AKR1C2: variants seen among roughly 807,000 people sequenced by gnomAD.
AKR1C2 encodes the protein 3-alpha-HSD3.
A neutral mutation model predicts 39.8 loss-of-function variants in AKR1C2; 27 were observed. The ratio of observed to expected loss-of-function variants is 0.68; its 90% CI spans 0.50 to 0.93. The LOEUF is 0.93. AKR1C2 is among the 40% of genes least tolerant of loss of function. The pLI, the probability that AKR1C2 is intolerant of heterozygous loss-of-function variation, is 0.00. For missense variants in AKR1C2, 263 were observed against 365.1 expected, an observed-to-expected ratio of 0.72 and a Z score of 2.28; for synonymous variants, 114 against 137.9, an observed-to-expected ratio of 0.83 and a Z score of 1.22.
chr10:4,999,819 C>T (rs1158008906), intron 3 of AKR1C2: 5 of 648,892 alleles, frequency 7.7e-6, no homozygotes, highest in East Asian at 1.4e-4. Context: ...ATGCCACCAA[C>T]GAAAAAGGTT....
At chr10:5,003,919 C>G (rs1180987384), upstream of AKR1C2, 300 of 1,192,646 alleles carry the variant, frequency 2.5e-4, 1 homozygote, top group Middle Eastern at 3.9e-4. Flanking sequence ...CCTGAGCACA[C>G]TGTCTGCTGG....
chr10:5,002,039 T>A (rs1259275448), intron 1 of AKR1C2, among the ~76,000 whole-genome samples: 8 of 152,142 alleles, frequency 5.3e-5, no homozygotes, highest in African/African-American at 1.9e-4. Context: ...AATAGCCACA[T>A]GGAAGGAATT....
upstream of AKR1C2, chr10:5,007,398 G>C (rs1837427391): frequency 6.6e-6 from 1 of 151,528 alleles, no homozygotes; most frequent in Non-Finnish European, 1.5e-5. Flanking sequence ...ATGTGAAGCA[G>C]AAACGTACCT....
At chr10:5,000,205 A>G (rs1454819195) in intron 3 of AKR1C2, 17 of 1,426,648 alleles carry the variant, frequency 1.2e-5, no homozygotes, top group Non-Finnish European at 1.6e-5. Flanking sequence ...TCTGGACACC[A>G]CAGCTTCATG....
chr10:4,989,900 C>G lies in AKR1C2; in HGVS notation c.*96G>C, dbSNP rs557543056. ...AGTCGCCAAGCAGGAGAGATTTAAC[C>G]AGAGGCGATGTGTCCAGTCACCAGC... is the stretch of plus-strand genomic sequence containing the variant. On this transcript the variant is annotated 3_prime_UTR_variant, in exon 9 of 9. Transcript: ENST00000380753. 6.9e-7 allele frequency: 1 copy of G among 1,459,206 alleles called. No homozygotes were observed. Among genetic ancestry groups the G allele is most frequent in the East Asian group, 2.4e-5 (1 of 42,450 alleles). 90.4% of individuals were successfully genotyped at this position (1,459,206 alleles called of 1,614,324 possible).
At position 5,001,547 on chromosome 10, in the gene AKR1C2, A is replaced by T. The variant is rs782398907; in HGVS notation, c.219T>A (p.Ser73Arg). The T allele has an allele frequency of 6.2e-7, 1 of 1,613,862 alleles. No homozygotes were observed. The highest frequency in any genetic ancestry group is 1.3e-5 in the African/African-American group (1 of 74,910). ...LAIRSKIADG[S>R]VKREDIFYTS... is the part of the protein sequence containing the mutation. The stretch of plus-strand genomic sequence containing the variant: ...TGTAGAATATGTCTTCTCTCTTCAC[A>T]CTGCCATCTGCAATCTTGCTTCGGA... Residue 73 changes from serine (S) to arginine (R), a missense_variant, in exon 2 of 9, where the codon AGT becomes AGA. Coordinates refer to ENST00000380753, the MANE Select transcript of AKR1C2 (RefSeq NM_001393392.1).
At position 4,997,071 on chromosome 10, in the gene AKR1C2, T is replaced by G. The variant is rs1213826577; in HGVS notation, c.571-1206A>C. ...TAAAAACAACAGATCTGACCACTGTTAGCTTAACCAAGTTTTTAAAACTAC... is the reference window on the plus strand; with the variant it reads ...TAAAAACAACAGATCTGACCACTGTGAGCTTAACCAAGTTTTTAAAACTAC... On this transcript the variant is annotated intron_variant, in intron 5 of 8. Transcript: ENST00000380753. Among the ~76,000 whole-genome samples, 3 of 152,050 alleles carry G rather than the reference T, an allele frequency of 2.0e-5. No individual in the cohort carries two copies. In the South Asian group the frequency reaches 6.2e-4, roughly 31 times the overall value.
At chr10:5,011,883 C>T (rs1438530656) in intron 1 of AKR1C2, among the ~76,000 whole-genome samples, 2 of 152,102 alleles carry the variant, frequency 1.3e-5, no homozygotes, top group East Asian at 3.8e-4. Context: ...GTTAAAGGTT[C>T]ATAGAGCAGT....
At chr10:5,007,929 T>C (rs376687051), upstream of AKR1C2, among the ~76,000 whole-genome samples, 17,158 of 147,550 alleles carry the variant, frequency 0.12, 2,183 homozygotes, top group African/African-American at 0.34. Context: ...AGAAATTAAA[T>C]CTTAAAGCTG....
rs782363725 is a variant in AKR1C2, at chr10:4,998,766, G to A, written c.448-19C>T. ...CCATGGCCTGGGAAAAAGGAATTGT[G>A]AGGTATCATTTGTGTAGTCGACTGA... On this transcript the variant is annotated intron_variant, in intron 4 of 8. Coordinates refer to ENST00000380753, the MANE Select transcript of AKR1C2 (RefSeq NM_001393392.1). 5.6e-6 allele frequency: 9 copies of A among 1,613,834 alleles called. No individual in the cohort carries two copies. Among genetic ancestry groups the A allele is most frequent in the Non-Finnish European group, 7.6e-6 (9 of 1,179,932 alleles).
intron 1 of AKR1C2, chr10:5,014,926 A>T (rs564976613): frequency 6.6e-6 from 1 of 152,264 alleles, no homozygotes; most frequent in African/African-American, 2.4e-5. Context: ...CAAGGCTCTC[A>T]TAAGGGCAAT....
In AKR1C2 at chr10:5,001,404, G is replaced by A. The variant is rs111829076; in HGVS notation, c.252+110C>T. 8.5e-5 allele frequency: 128 copies of A among 1,511,536 alleles called. 1 individual carries two copies. Among genetic ancestry groups the A allele is most frequent in the African/African-American group, 2.7e-4 (19 of 71,482 alleles). The allele number at this position is 1,511,536 out of a possible 1,614,324, so 93.6% of individuals were successfully genotyped here. A position where few individuals can be genotyped will look rare whatever the true frequency, so the allele number is the denominator to read the frequency against. On this transcript the variant is annotated intron_variant, in intron 2 of 8. Transcript: ENST00000380753. Reference sequence around the variant, plus strand: ...ATACATGAGTAAGTGTGAATAAATCGAAATAAATAAGCACAATTCACCCTC... The same window carrying A: ...ATACATGAGTAAGTGTGAATAAATCAAAATAAATAAGCACAATTCACCCTC...
rs372922075 is a variant in AKR1C2, at chr10:4,998,705, C to T, written c.490G>A (p.Gly164Arg). ...CKDAGLAKSI[G>R]VSNFNHRLLE... ...AGCCTGTGGTTGAAGTTGGACACCC[C>T]GATGGACTTGGCCAATCCTGCATCT... The change falls in exon 5 of 9, where the codon GGG becomes AGG. Residue 164 changes from glycine (G) to arginine (R), a missense_variant. By Grantham distance (125) the Gly-to-Arg change is moderately radical. Coordinates refer to ENST00000380753, the MANE Select transcript of AKR1C2 (RefSeq NM_001393392.1). 5.3e-5 allele frequency: 86 copies of T among 1,614,118 alleles called. 1 individual carries two copies. In the Middle Eastern group the frequency reaches 9.9e-4, roughly 19 times the overall value.
chr10:5,005,352 G>A (rs532554935), upstream of AKR1C2, among the ~76,000 whole-genome samples: 2 of 152,206 alleles, frequency 1.3e-5, no homozygotes, highest in East Asian at 3.9e-4. Flanking sequence ...CAGTAAAAAA[G>A]ATGTTTATTT....
chr10:5,000,199 G>C (rs545234793), intron 3 of AKR1C2: 1 of 1,417,014 alleles, frequency 7.1e-7, no homozygotes, highest in Non-Finnish European at 9.2e-7. Flanking sequence ...AGGTTTTCTG[G>C]ACACCACAGC....
chr10:4,995,779 C>T lies in AKR1C2; in HGVS notation c.657G>A (p.Leu219=). Residue 219 remains leucine, a synonymous_variant, in exon 6 of 9, where the codon CTG becomes CTA. Transcript: ENST00000380753. ...ACCATGGTTCTTCTCGATGGGATCC[C>T]AGAGCACTATAGGCAACCAGAACAA... is the stretch of plus-strand genomic sequence containing the variant. The part of the protein sequence containing the change: ...KDIVLVAYSA[L]GSHREEPWVD... 6.2e-7 allele frequency: 1 copy of T among 1,611,888 alleles called. No homozygotes were observed. Among genetic ancestry groups the T allele is most frequent in the South Asian group, 1.1e-5 (1 of 90,728 alleles).
At chr10:5,006,956 T>C (rs1554774474), upstream of AKR1C2, among the ~76,000 whole-genome samples, 1 of 150,672 alleles carries the variant, frequency 6.6e-6, no homozygotes, top group East Asian at 2.0e-4. Context: ...GTATTTTTAG[T>C]AGAGACAGGG....
chr10:5,009,149 G>A (rs1163258607), intron 1 of AKR1C2, among the ~76,000 whole-genome samples: 1 of 152,158 alleles, frequency 6.6e-6, no homozygotes, highest in African/African-American at 2.4e-5. Flanking sequence ...GATGCCTAAA[G>A]CAATATGTAG....
chr10:5,013,136 A>G (rs1477498261), intron 1 of AKR1C2, among the ~76,000 whole-genome samples: 1 of 152,214 alleles, frequency 6.6e-6, no homozygotes, highest in African/African-American at 2.4e-5. Flanking sequence ...AGAACAAACC[A>G]CCATGGCATG....
Sources: gnomAD v4.1 joint callset for allele counts (sites outside exome capture counted in the v4.1 genomes callset) on GRCh38, gnomAD v4.1.1 for gene constraint, MANE v1.5 for transcripts, NCBI Gene and HGNC (gene_info 2026-07-23, HGNC 2026-07-21) for gene names.